Variants in MGAM2 observed in about 807,000 individuals in gnomAD.
MGAM2 encodes probable maltase-glucoamylase 2.
In MGAM2, 98 loss-of-function variants were observed where a neutral mutation model predicts 96.1. The ratio of observed to expected loss-of-function variants is 1.02; its 90% confidence interval spans 0.87 to 1.21. MGAM2 has a LOEUF of 1.21. Ranked by LOEUF, MGAM2 falls within the 50% of genes most tolerant of loss-of-function variation. MGAM2 has a pLI of 0.00. For synonymous variants in MGAM2, 749 were observed against 414.8 expected, an observed-to-expected ratio of 1.81 and a Z score of -9.79; for missense variants, 2,055 against 1,182.4, an observed-to-expected ratio of 1.74 and a Z score of -10.82.
At position 142,158,317 on chromosome 7, in the gene MGAM2, G is replaced by A. The variant is rs146552954; in HGVS notation, c.2148G>A (p.Thr716=). 23 of 702,894 alleles carry A rather than the reference G, an allele frequency of 3.3e-5. No homozygotes were observed. Among genetic ancestry groups the A allele is most frequent in the East Asian group, 3.0e-4 (11 of 37,286 alleles). 43.5% of individuals were successfully genotyped at this position (702,894 alleles called of 1,614,324 possible). The change falls in exon 19 of 48, where the codon ACG becomes ACA. Residue 716 remains threonine, a synonymous_variant. Transcript: ENST00000477922. ...QFLWGPGLLI[T]PVLYEGVDEV... ...TATGGGGACCTGGACTCCTCATCAC[G>A]CCTGTTTTATATGAAGTATGTTTAT...
intron 4 of MGAM2, 106 bp downstream of exon 4, chr7:142,131,177 C>A: frequency 1.6e-6 from 1 of 640,410 alleles, no homozygotes; most frequent in Non-Finnish European, 2.8e-6. Context: ...TGGTGGCTCA[C>A]GTCTGTAATC....
intron 7 of MGAM2, among the ~76,000 whole-genome samples, chr7:142,134,677 T>A (rs1795003715): frequency 6.6e-6 from 1 of 152,212 alleles, no homozygotes; most frequent in Middle Eastern, 3.4e-3. Context: ...ATATGCATTT[T>A]TGCAAGATCC....
At chr7:142,113,958 C>T (rs775655005) in intron 1 of MGAM2, among the ~76,000 whole-genome samples, 2 of 151,704 alleles carry the variant, frequency 1.3e-5, no homozygotes, top group African/African-American at 2.4e-5. Context: ...ATGGTGAAAC[C>T]CTGTCTCTAC....
At chr7:142,177,848 T>C (rs1276016872) in intron 32 of MGAM2, among the ~76,000 whole-genome samples, 2 of 152,218 alleles carry the variant, frequency 1.3e-5, no homozygotes, top group Non-Finnish European at 2.9e-5. Context: ...CCTGTGTTTT[T>C]TGAGAGAATA....
chr7:142,146,019 A>AT (rs1158880196), intron 14 of MGAM2, among the ~76,000 whole-genome samples: 17 of 151,988 alleles, frequency 1.1e-4, no homozygotes, highest in Non-Finnish European at 2.2e-4. Context: ...GGAGTAAATA[A>AT]TTTTTTGGAG....
intron 35 of MGAM2, among the ~76,000 whole-genome samples, chr7:142,187,345 A>T (rs986484668): frequency 6.6e-6 from 1 of 152,234 alleles, no homozygotes; most frequent in African/African-American, 2.4e-5. Flanking sequence ...TAGACTAAAA[A>T]GTGAATAATC....
chr7:142,151,588 T>C (rs113731672), intron 15 of MGAM2, among the ~76,000 whole-genome samples: 2 of 152,176 alleles, frequency 1.3e-5, no homozygotes, highest in Non-Finnish European at 2.9e-5. Context: ...TATCTAAGAA[T>C]GAGAAATGGG....
chr7:142,176,264 T>C (rs1796373420), intron 32 of MGAM2, among the ~76,000 whole-genome samples: 3 of 152,096 alleles, frequency 2.0e-5, no homozygotes, highest in Admixed American at 1.3e-4. Context: ...TTACAAACAA[T>C]TGAGTTAAGA....
At chr7:142,183,888 G>C (rs1197884127) in intron 33 of MGAM2, among the ~76,000 whole-genome samples, 2 of 142,640 alleles carry the variant, frequency 1.4e-5, no homozygotes, top group Non-Finnish European at 3.0e-5. Flanking sequence ...TTTAGCCTAG[G>C]TTCGAATTCT....
rs748299647 is a variant in MGAM2, at chr7:142,183,950, C to CTTTTTTTTT, written c.3924+609_3924+617dup. Among the ~76,000 whole-genome samples the CTTTTTTTTT allele has an allele frequency of 1.4e-3, 63 of 46,140 alleles. 24 individuals are homozygous for CTTTTTTTTT. The highest frequency in any genetic ancestry group is 3.9e-3 in the East Asian group (5 of 1,280). The allele number at this position is 46,140 out of a possible 152,430, so 30.3% of individuals were successfully genotyped here. A position where few individuals can be genotyped will look rare whatever the true frequency, so the allele number is the denominator to read the frequency against. On this transcript the variant is annotated intron_variant, in intron 33 of 47. Coordinates refer to ENST00000477922, the MANE Select transcript of MGAM2 (RefSeq NM_001293626.2). ...ACTGCTCTGGATGTATTCCAGGCTC[C>CTTTTTTTTT]TTTTTTTTTTTTTTTTTTTTTTTTT...
Position 142,220,440 on chromosome 7 carries a change from A to T in MGAM2, c.5929A>T (p.Ile1977Phe). The T allele has an allele frequency of 1.4e-6, 1 of 701,512 alleles. No homozygotes were observed. The highest frequency in any genetic ancestry group is 1.5e-5 in the South Asian group (1 of 67,540). The allele number at this position is 701,512 out of a possible 1,614,324, so 43.5% of individuals were successfully genotyped here. ...NTTTASTNAT[I>F]PITTTPFATS... ...TACTACTGCTAGCACTAATGCTACT[A>T]TTCCTATCACAACCACACCTTTTGC... The change falls in exon 48 of 48, where the codon ATT becomes TTT. Residue 1977 changes from isoleucine (I) to phenylalanine (F), a missense_variant. Coordinates refer to ENST00000477922, the MANE Select transcript of MGAM2 (RefSeq NM_001293626.2).
chr7:142,149,527 C>G (rs1024990580), intron 15 of MGAM2, among the ~76,000 whole-genome samples: 2 of 151,452 alleles, frequency 1.3e-5, no homozygotes, highest in East Asian at 3.9e-4. Context: ...AATCTTCTGA[C>G]GTTGTCTACT....
intron 13 of MGAM2, among the ~76,000 whole-genome samples, 173 bp from the exon 14 acceptor site, chr7:142,144,688 C>A (rs531135515): frequency 2.1e-3 from 323 of 152,230 alleles, no homozygotes; most frequent in Non-Finnish European, 3.8e-3. Context: ...TCCAATGACT[C>A]AATTTTATAA....
At chr7:142,174,715 C>CTCTCTTTTTTTTT (rs1194981898) in intron 31 of MGAM2, among the ~76,000 whole-genome samples, 4 of 85,460 alleles carry the variant, frequency 4.7e-5, no homozygotes, top group African/African-American at 1.7e-4. Flanking sequence ...CTCTCTCTCT[C>CTCTCTTTTTTTTT]TTTTTTTTTT....
At position 142,219,791 on chromosome 7, in the gene MGAM2, A is replaced by T; in HGVS notation, c.5359-79A>T. ...GAATGAATCCATCATTTTTTGTTAAATTGTAATTTAAGAGGTGAGCTACAT... is the reference window on the plus strand; with the variant it reads ...GAATGAATCCATCATTTTTTGTTAATTTGTAATTTAAGAGGTGAGCTACAT... On this transcript the variant is annotated intron_variant, in intron 47 of 47. Transcript: ENST00000477922. 5 of 610,746 alleles carry T rather than the reference A, an allele frequency of 8.2e-6. No homozygotes were observed. In the Admixed American group the frequency reaches 1.1e-4, roughly 14 times the overall value. The allele number at this position is 610,746 out of a possible 1,614,324, so 37.8% of individuals were successfully genotyped here.
intron 14 of MGAM2, among the ~76,000 whole-genome samples, chr7:142,147,069 A>G (rs1795409650): frequency 6.6e-6 from 1 of 152,130 alleles, no homozygotes; most frequent in South Asian, 2.1e-4. Flanking sequence ...AAAAAAGAAA[A>G]AGTTCCCTTT....
rs909653113 is a variant in MGAM2, at chr7:142,189,476, C to T, written c.4317C>T (p.Tyr1439=). 5.1e-5 allele frequency: 44 copies of T among 863,378 alleles called. No individual in the cohort carries two copies. The highest frequency in any genetic ancestry group is 3.5e-4 in the African/African-American group (21 of 59,950). The allele number at this position is 863,378 out of a possible 1,614,324, so 53.5% of individuals were successfully genotyped here. A position where few individuals can be genotyped will look rare whatever the true frequency, so the allele number is the denominator to read the frequency against. Residue 1439 remains tyrosine (Y), a synonymous_variant, in exon 37 of 48, where the codon TAC becomes TAT. Transcript: ENST00000477922. Reference sequence around the variant, plus strand: ...AGCACTACAACGTGCACAACCTGTACGGGTGGTCCCAGACCAGACCCACAT... The same window carrying T: ...AGCACTACAACGTGCACAACCTGTATGGGTGGTCCCAGACCAGACCCACAT... The part of the protein sequence containing the change: ...PVEHYNVHNL[Y]GWSQTRPTYE...
chr7:142,134,522 C>T (rs1270746882), intron 7 of MGAM2, among the ~76,000 whole-genome samples: 1 of 152,042 alleles, frequency 6.6e-6, no homozygotes, highest in Non-Finnish European at 1.5e-5. Context: ...ACTTGGTGGA[C>T]TAAAAATGTC....
At chr7:142,112,653 A>G (rs1817213699) in intron 1 of MGAM2, among the ~76,000 whole-genome samples, 1 of 151,970 alleles carries the variant, frequency 6.6e-6, no homozygotes, top group East Asian at 1.9e-4. Flanking sequence ...GAGAGTATTC[A>G]AGTACTATTT....
Sources: allele counts gnomAD v4.1 joint callset (sites outside exome capture counted in the v4.1 genomes callset), GRCh38; gene constraint gnomAD v4.1.1; transcripts MANE v1.5; gene names NCBI Gene and HGNC (gene_info 2026-07-23, HGNC 2026-07-21).